Variants in NXPH1 observed in about 807,000 individuals in gnomAD.
NXPH1 encodes neurexophilin-1.
NXPH1 carries 5 observed loss-of-function variants against 23.7 expected under a neutral mutation model. The observed-to-expected ratio is 0.21, with a 90% CI of 0.11 to 0.44. NXPH1 has a LOEUF of 0.44. NXPH1 is among the 20% of genes least tolerant of loss of function. The pLI is 0.99. For synonymous variants in NXPH1, 144 were observed against 122.2 expected (o/e 1.18, Z -1.18); for missense variants, 324 against 321.6 (o/e 1.01, Z -0.06).
chr7:8,453,669 C>T lies in NXPH1; in HGVS notation c.54+17902C>T, dbSNP rs370522617. On this transcript the variant is annotated intron_variant, in intron 2 of 2. Coordinates refer to ENST00000405863, the MANE Select transcript of NXPH1 (RefSeq NM_152745.3). ...TGAGTAATTCCTCTAACATGCTTTA[C>T]ACATAGTGGTTTTAAGATATTTGTT... Among the ~76,000 whole-genome samples, 78 of 152,240 alleles carry T rather than the reference C, an allele frequency of 5.1e-4. No individual in the cohort carries two copies. The South Asian group carries it at 0.016, about 32-fold the overall frequency.
intron 2 of NXPH1, among the ~76,000 whole-genome samples, chr7:8,715,633 T>C (rs1779864628): frequency 6.6e-6 from 1 of 152,126 alleles, no homozygotes; most frequent in African/African-American, 2.4e-5. Flanking sequence ...AAAAATAAAA[T>C]GATTTGGGAA....
At chr7:8,683,273 C>T (rs1166576470) in intron 2 of NXPH1, among the ~76,000 whole-genome samples, 3 of 152,196 alleles carry the variant, frequency 2.0e-5, no homozygotes, top group African/African-American at 7.2e-5. Context: ...TCAAGCCATT[C>T]ATCAGGGATC....
At chr7:8,583,821 G>A (rs1203427935) in intron 2 of NXPH1, among the ~76,000 whole-genome samples, 1 of 152,204 alleles carries the variant, frequency 6.6e-6, no homozygotes, top group Non-Finnish European at 1.5e-5. Flanking sequence ...CCTCTGAGAG[G>A]TGGAGGAGAG....
chr7:8,735,943 C>T (rs1033515519), intron 2 of NXPH1, among the ~76,000 whole-genome samples: 1 of 152,108 alleles, frequency 6.6e-6, no homozygotes, highest in Non-Finnish European at 1.5e-5. Context: ...ATAGTATTCT[C>T]TAATAGTAGT....
chr7:8,680,523 A>T (rs1223770810), intron 2 of NXPH1, among the ~76,000 whole-genome samples: 1 of 152,256 alleles, frequency 6.6e-6, no homozygotes, highest in Non-Finnish European at 1.5e-5. Flanking sequence ...TAGTATATAT[A>T]GATGCTTAGT....
chr7:8,533,378 A>G (rs1361401045), intron 2 of NXPH1, among the ~76,000 whole-genome samples: 1 of 152,112 alleles, frequency 6.6e-6, no homozygotes, highest in African/African-American at 2.4e-5. Context: ...CATATATTCT[A>G]AAATTAGAAT....
intron 2 of NXPH1, among the ~76,000 whole-genome samples, chr7:8,742,226 A>G (rs868242517): frequency 6.6e-6 from 1 of 152,184 alleles, no homozygotes; most frequent in South Asian, 2.1e-4. Flanking sequence ...TTTATCCTAT[A>G]TGAACTTCTT....
At chr7:8,575,891 C>G (rs765105711) in intron 2 of NXPH1, among the ~76,000 whole-genome samples, 1 of 152,030 alleles carries the variant, frequency 6.6e-6, no homozygotes, top group Non-Finnish European at 1.5e-5. Context: ...TATTTCCTCT[C>G]TCTCCAGTTT....
intron 2 of NXPH1, among the ~76,000 whole-genome samples, chr7:8,604,778 G>C (rs1358586606): frequency 1.3e-5 from 2 of 152,096 alleles, no homozygotes; most frequent in Non-Finnish European, 2.9e-5. Flanking sequence ...TACCAGTTTT[G>C]AGATTTGTGA....
chr7:8,739,948 C>A (rs1780332702), intron 2 of NXPH1, among the ~76,000 whole-genome samples: 1 of 152,138 alleles, frequency 6.6e-6, no homozygotes, highest in Non-Finnish European at 1.5e-5. Flanking sequence ...CTGGGACCAC[C>A]ATTGTATATG....
intron 2 of NXPH1, among the ~76,000 whole-genome samples, chr7:8,490,695 T>C (rs983271054): frequency 2.0e-5 from 3 of 152,046 alleles, no homozygotes; most frequent in Non-Finnish European, 4.4e-5. Context: ...TGAGAATCAC[T>C]GTTTTCTATG....
intron 2 of NXPH1, among the ~76,000 whole-genome samples, chr7:8,568,002 A>C (rs1818576596): frequency 6.6e-6 from 1 of 151,904 alleles, no homozygotes. Context: ...GTGTGGGTGA[A>C]AATAAGCTTG....
chr7:8,546,257 C>T (rs1249138206), intron 2 of NXPH1, among the ~76,000 whole-genome samples: 1 of 151,322 alleles, frequency 6.6e-6, no homozygotes, highest in Non-Finnish European at 1.5e-5. Context: ...AAAGTATGGT[C>T]CTCCCATTCA....
chr7:8,642,308 A>G (rs541957548), intron 2 of NXPH1, among the ~76,000 whole-genome samples: 1 of 152,326 alleles, frequency 6.6e-6, no homozygotes, highest in African/African-American at 2.4e-5. Context: ...TGTCTTACAG[A>G]TTCCAATGTT....
At chr7:8,554,501 C>G (rs1818325274) in intron 2 of NXPH1, among the ~76,000 whole-genome samples, 2 of 151,636 alleles carry the variant, frequency 1.3e-5, no homozygotes, top group African/African-American at 4.8e-5. Context: ...CCTCTGTACC[C>G]TGAATTGTGG....
intron 2 of NXPH1, among the ~76,000 whole-genome samples, chr7:8,626,228 T>C (rs1345370094): frequency 6.6e-6 from 1 of 152,054 alleles, no homozygotes; most frequent in African/African-American, 2.4e-5. Context: ...AAAGTGCTGG[T>C]AGTGACCTCA....
chr7:8,680,137 G>A (rs796187236), intron 2 of NXPH1, among the ~76,000 whole-genome samples: 7 of 152,336 alleles, frequency 4.6e-5, no homozygotes, highest in African/African-American at 9.6e-5. Context: ...CCATTTGTGG[G>A]TTTTCCTATG....
chr7:8,526,884 G>T (rs1321252248), intron 2 of NXPH1, among the ~76,000 whole-genome samples: 2 of 152,122 alleles, frequency 1.3e-5, no homozygotes, highest in Non-Finnish European at 2.9e-5. Context: ...GCAGAAGTAA[G>T]GCACAGGTAA....
intron 2 of NXPH1, among the ~76,000 whole-genome samples, chr7:8,650,254 CAATTATTTGCT>C (rs1251861460): frequency 1.1e-4 from 16 of 152,088 alleles, no homozygotes; most frequent in African/African-American, 3.4e-4. Context: ...TTTTCTAATA[CAATTATTTGCT>C]AAATATGTAA....
Sources: gnomAD v4.1 joint callset for allele counts (sites outside exome capture counted in the v4.1 genomes callset) on GRCh38, gnomAD v4.1.1 for gene constraint, MANE v1.5 for transcripts, NCBI Gene and HGNC (gene_info 2026-07-23, HGNC 2026-07-21) for gene names.